GCC2: variants seen among roughly 807,000 people sequenced by gnomAD.
GCC2 encodes GRIP and coiled-coil domain containing 2, also known as GRIP and coiled-coil domain-containing protein 2.
In GCC2, 120 loss-of-function variants were observed where a neutral mutation model predicts 210.6. The observed-to-expected ratio is 0.57, with a 90% CI of 0.49 to 0.66. The LOEUF is 0.66. Among genes scored for constraint, GCC2 ranks in the 30% least tolerant of loss-of-function variants. The probability of loss-of-function intolerance (pLI) is 0.00; values close to 1 mark genes in which losing one functional copy is unlikely to be tolerated. For synonymous variants in GCC2, 703 were observed against 652.7 expected (o/e 1.08, Z -1.17); for missense variants, 1,868 against 1,871.9 (o/e 1.00, Z 0.04).
intron 4 of GCC2, among the ~76,000 whole-genome samples, chr2:108,457,386 T>C (rs1680328886): frequency 6.6e-6 from 1 of 152,230 alleles, no homozygotes. Flanking sequence ...CTTTGGTTTC[T>C]ATAGCCTCGT....
At chr2:108,458,590 C>T (rs1481741512) in intron 4 of GCC2, among the ~76,000 whole-genome samples, 3 of 151,630 alleles carry the variant, frequency 2.0e-5, no homozygotes, top group Admixed American at 6.6e-5. Flanking sequence ...ATTACTGATT[C>T]GTTCTTGCTA....
At chr2:108,499,041 A>G (rs2104510567) in intron 21 of GCC2, among the ~76,000 whole-genome samples, 1 of 121,748 alleles carries the variant, frequency 8.2e-6, no homozygotes, top group Admixed American at 8.7e-5. Context: ...TGTGCTTCTG[A>G]GACAAGAACC....
rs754203299 is a variant in GCC2 at position 108,481,693 on chromosome 2, G to A, written c.3061-4G>A. 68 of 1,577,656 alleles carry A rather than the reference G, an allele frequency of 4.3e-5. No homozygotes were observed. In the Middle Eastern group the frequency reaches 8.5e-4, roughly 20 times the overall value. On this transcript the variant is annotated splice_polypyrimidine_tract_variant and splice_region_variant and intron_variant, in intron 9 of 22. Coordinates refer to ENST00000309863, the MANE Select transcript of GCC2 (RefSeq NM_181453.4). ...ACCAAAGTTAAATCCTTCTTTTATT[G>A]AAGAATCTTTTATTAGAATATGAAA...
chr2:108,452,722 T>C (rs1020016330), intron 4 of GCC2, among the ~76,000 whole-genome samples: 28 of 133,522 alleles, frequency 2.1e-4, no homozygotes, highest in Admixed American at 1.0e-3. Context: ...TGAGATGGAG[T>C]CTCACTCTGT....
At chr2:108,467,568 A>G (rs1680971697) in intron 4 of GCC2, among the ~76,000 whole-genome samples, 1 of 152,126 alleles carries the variant, frequency 6.6e-6, no homozygotes, top group African/African-American at 2.4e-5. Flanking sequence ...AAGTGTTGGG[A>G]TTGCAGGCAT....
intron 4 of GCC2, among the ~76,000 whole-genome samples, chr2:108,465,220 G>T (rs2104435790): frequency 6.6e-6 from 1 of 152,264 alleles, no homozygotes; most frequent in South Asian, 2.1e-4. Flanking sequence ...GTTCTCTCTT[G>T]GATGATCTGT....
intron 12 of GCC2, among the ~76,000 whole-genome samples, 198 bp downstream of exon 12, chr2:108,483,364 C>A (rs1681972840): frequency 6.6e-6 from 1 of 152,020 alleles, no homozygotes; most frequent in Admixed American, 6.6e-5. Context: ...GCCGAGATTC[C>A]ACGCATGCGT....
At chr2:108,507,219 G>A (rs999264864) in intron 22 of GCC2, among the ~76,000 whole-genome samples, 13 of 138,290 alleles carry the variant, frequency 9.4e-5, no homozygotes, top group African/African-American at 3.0e-4. Flanking sequence ...AGTGAGACCC[G>A]CATCTCCACA....
intron 13 of GCC2, 44 bp downstream of exon 13, chr2:108,484,355 TAAC>T: frequency 1.7e-6 from 2 of 1,155,426 alleles, no homozygotes; most frequent in Middle Eastern, 2.3e-4. Context: ...TATTTCATCA[TAAC>T]AACTTGATTT....
intron 4 of GCC2, among the ~76,000 whole-genome samples, chr2:108,458,017 T>G (rs920189182): frequency 4.6e-5 from 7 of 152,212 alleles, no homozygotes; most frequent in African/African-American, 1.7e-4. Flanking sequence ...AGGAAAGATT[T>G]TCAGCTTTTC....
At chr2:108,453,266 TTC>T (rs773341734) in intron 4 of GCC2, among the ~76,000 whole-genome samples, 2 of 152,362 alleles carry the variant, frequency 1.3e-5, no homozygotes, top group East Asian at 1.9e-4. Flanking sequence ...ACACTTTAAC[TTC>T]TCTGTTTCCT....
chr2:108,449,410 C>T, intron 1 of GCC2, 130 bp downstream of exon 1: 3 of 1,429,748 alleles, frequency 2.1e-6, no homozygotes, highest in Non-Finnish European at 2.8e-6. Context: ...GCTGTCGCCT[C>T]CCCATCTTTC....
rs190743704 is a variant in GCC2 at position 108,505,970 on chromosome 2, A to G, written c.4985-1590A>G. 7.6e-4 allele frequency among the ~76,000 whole-genome samples: 116 copies of G among 152,288 alleles called. 1 individual carries two copies. The highest frequency in any genetic ancestry group is 2.6e-3 in the African/African-American group (107 of 41,564). On this transcript the variant is annotated intron_variant, in intron 22 of 22. Coordinates refer to ENST00000309863, the MANE Select transcript of GCC2 (RefSeq NM_181453.4). ...TAAGGTCAAACTGACATACATATAT[A>G]CGTATGAAAACACAGAAAGGTGTCT... is the stretch of plus-strand genomic sequence containing the variant.
In GCC2 at chr2:108,470,000, A is replaced by C. The variant is rs1357778821; in HGVS notation, c.671A>C (p.Glu224Ala). 4 of 1,612,354 alleles carry C rather than the reference A, an allele frequency of 2.5e-6. No individual in the cohort carries two copies. In the Admixed American group the frequency reaches 6.7e-5, roughly 27 times the overall value. Residue 224 changes from glutamate (E) to alanine (A), a missense_variant, in exon 6 of 23, where the codon GAG becomes GCG. By Grantham distance (107) the Glu-to-Ala change is moderately radical. This residue lies in a region of GCC2 where 1,847 missense variants were observed against 1,765.2 expected (regional missense o/e 1.05). Transcript: ENST00000309863. ...GTTACTCAACTCCAAAATATCATTG[A>C]GGCTAATTCTCAGCATTACCAAAAA... is the stretch of plus-strand genomic sequence containing the variant. ...ETVTQLQNII[E>A]ANSQHYQKNI...
chr2:108,497,945 T>A (rs1233924919), intron 21 of GCC2, among the ~76,000 whole-genome samples: 1 of 152,202 alleles, frequency 6.6e-6, no homozygotes, highest in Non-Finnish European at 1.5e-5. Flanking sequence ...TGTACTTTGC[T>A]GCTCCTAATA....
chr2:108,501,921 C>T (rs1414768524), intron 22 of GCC2, among the ~76,000 whole-genome samples: 10 of 152,132 alleles, frequency 6.6e-5, no homozygotes, highest in Admixed American at 2.6e-4. Flanking sequence ...ACAGTAATCT[C>T]AGTTCTTCAA....
At position 108,492,553 on chromosome 2, in the gene GCC2, C is replaced by G; in HGVS notation, c.4230-20C>G. The G allele has an allele frequency of 1.3e-6, 2 of 1,516,198 alleles. No individual in the cohort carries two copies. Among genetic ancestry groups the G allele is most frequent in the Non-Finnish European group, 1.8e-6 (2 of 1,091,378 alleles). 93.9% of individuals were successfully genotyped at this position (1,516,198 alleles called of 1,614,324 possible). On this transcript the variant is annotated intron_variant, in intron 18 of 22. Coordinates refer to ENST00000309863, the MANE Select transcript of GCC2 (RefSeq NM_181453.4). Reference sequence around the variant, plus strand: ...TATAAAGTTGAAAGATCTTCTGTAACTAAGTTTCTCATCTTTCAGATTGTG... The same window carrying G: ...TATAAAGTTGAAAGATCTTCTGTAAGTAAGTTTCTCATCTTTCAGATTGTG...
rs1683301418 is a variant in GCC2, at chr2:108,508,198, G to A, written c.*568G>A. 2 of 151,050 alleles carry A rather than the reference G, an allele frequency of 1.3e-5. No homozygotes were observed. Among genetic ancestry groups the A allele is most frequent in the Admixed American group, 6.7e-5 (1 of 14,956 alleles). The allele number at this position is 151,050 out of a possible 1,614,324, so 9.4% of individuals were successfully genotyped here. A position where few individuals can be genotyped will look rare whatever the true frequency, so the allele number is the denominator to read the frequency against. On this transcript the variant is annotated 3_prime_UTR_variant, in exon 23 of 23. Transcript: ENST00000309863. ...AACGTTTTATGACTATTTATTGCAAGGTCAGAGTTACAGATTGTTATAAAT... is the reference window on the plus strand; with the variant it reads ...AACGTTTTATGACTATTTATTGCAAAGTCAGAGTTACAGATTGTTATAAAT...
intron 7 of GCC2, chr2:108,473,461 G>C (rs539360905): frequency 6.6e-6 from 1 of 152,446 alleles, no homozygotes; most frequent in South Asian, 2.1e-4. Context: ...CACGTACTAG[G>C]AAGTTCCTGG....
Sources: allele counts gnomAD v4.1 joint callset (sites outside exome capture counted in the v4.1 genomes callset), GRCh38; gene constraint gnomAD v4.1.1; regional missense constraint gnomAD v4.1.1; transcripts MANE v1.5; gene names NCBI Gene and HGNC (gene_info 2026-07-23, HGNC 2026-07-21).